Variants in AUTS2 observed in about 807,000 individuals in gnomAD.
The protein encoded by AUTS2 is activator of transcription and developmental regulator AUTS2.
AUTS2 carries 17 observed loss-of-function variants against 112.4 expected under a neutral mutation model. The ratio of observed to expected loss-of-function variants is 0.15; its 90% CI spans 0.10 to 0.23. The LOEUF is 0.23. Among genes scored for constraint, AUTS2 ranks in the 10% least tolerant of loss-of-function variants. The probability of loss-of-function intolerance (pLI) is 1.00; values close to 1 mark genes in which losing one functional copy is unlikely to be tolerated. For missense variants in AUTS2, 1,510 were observed against 1,701.6 expected (o/e 0.89, Z 1.98); for synonymous variants, 751 against 702.7 (o/e 1.07, Z -1.09).
intron 18 of AUTS2, among the ~76,000 whole-genome samples, chr7:70,787,825 C>T (rs192001254): frequency 4.6e-5 from 7 of 152,320 alleles, no homozygotes; most frequent in East Asian, 3.9e-4. Context: ...AGGTTTTTCT[C>T]GCTCTTTTCC....
chr7:69,788,501 T>C (rs1423453705), intron 1 of AUTS2, among the ~76,000 whole-genome samples: 1 of 152,212 alleles, frequency 6.6e-6, no homozygotes, highest in Non-Finnish European at 1.5e-5. Flanking sequence ...AGAAACTTTA[T>C]GCACAAAAGC....
chr7:69,603,066 A>G (rs905173693), intron 1 of AUTS2, among the ~76,000 whole-genome samples: 5 of 152,210 alleles, frequency 3.3e-5, no homozygotes, highest in African/African-American at 1.2e-4. Flanking sequence ...ATAGATGCTA[A>G]GAGTTATCCT....
At chr7:69,710,344 G>A (rs1409105708) in intron 1 of AUTS2, among the ~76,000 whole-genome samples, 2 of 152,126 alleles carry the variant, frequency 1.3e-5, no homozygotes, top group Non-Finnish European at 2.9e-5. Context: ...TTATAATTAA[G>A]CCTGTTACTA....
intron 2 of AUTS2, among the ~76,000 whole-genome samples, chr7:70,001,314 T>C (rs1009642786): frequency 6.6e-6 from 1 of 152,048 alleles, no homozygotes; most frequent in Non-Finnish European, 1.5e-5. Context: ...TTAGTAGAGA[T>C]GGGGAATCAT....
intron 5 of AUTS2, among the ~76,000 whole-genome samples, chr7:70,442,671 A>G (rs1796166877): frequency 6.6e-6 from 1 of 152,086 alleles, no homozygotes; most frequent in Non-Finnish European, 1.5e-5. Context: ...TATTTTTAGT[A>G]GAGACAGGGT....
At chr7:70,507,458 A>G (rs1051495664) in intron 5 of AUTS2, among the ~76,000 whole-genome samples, 9 of 152,200 alleles carry the variant, frequency 5.9e-5, no homozygotes, top group Admixed American at 3.3e-4. Context: ...TTGTTTTAAC[A>G]TGACAACAGC....
In AUTS2 at chr7:70,771,629, A is replaced by C. The variant is rs1158333839; in HGVS notation, c.1815A>C (p.Gly605=). The C allele has an allele frequency of 1.2e-6, 2 of 1,613,822 alleles. No individual in the cohort carries two copies. The highest frequency in any genetic ancestry group is 1.7e-5 in the Admixed American group (1 of 60,026). The change falls in exon 11 of 19, where the codon GGA becomes GGC. Residue 605 remains glycine, a synonymous_variant. Transcript: ENST00000342771. ...CTGGCCCTTTTGGTTCACTACAAGG[A>C]GCATTTCAGCCGAAGGTAAGAAACC... ...PPTGPFGSLQ[G]AFQPKTSNPI...
At chr7:69,804,531 A>G (rs1289691915) in intron 1 of AUTS2, among the ~76,000 whole-genome samples, 2 of 152,210 alleles carry the variant, frequency 1.3e-5, no homozygotes, top group Admixed American at 1.3e-4. Context: ...AAGAGCTGCC[A>G]TGATAGTTAA....
At chr7:70,041,041 A>G (rs2129557786) in intron 2 of AUTS2, among the ~76,000 whole-genome samples, 1 of 152,324 alleles carries the variant, frequency 6.6e-6, no homozygotes, top group African/African-American at 2.4e-5. Context: ...GTGACCAATG[A>G]GAAAATAGGG....
At chr7:70,420,520 A>G (rs1395103865) in intron 4 of AUTS2, among the ~76,000 whole-genome samples, 1 of 152,206 alleles carries the variant, frequency 6.6e-6, no homozygotes, top group Non-Finnish European at 1.5e-5. Context: ...GAAGTACATA[A>G]TAAAGCCTAA....
chr7:69,961,834 G>A (rs1159749815), intron 2 of AUTS2, among the ~76,000 whole-genome samples: 1 of 152,070 alleles, frequency 6.6e-6, no homozygotes, highest in African/African-American at 2.4e-5. Flanking sequence ...TCTTAAGCAG[G>A]TGAACCTTTT....
chr7:70,622,408 G>A (rs1481966090), intron 5 of AUTS2, among the ~76,000 whole-genome samples: 5 of 152,104 alleles, frequency 3.3e-5, no homozygotes, highest in Non-Finnish European at 5.9e-5. Flanking sequence ...CATTCTTGCT[G>A]AGCAGAACAC....
chr7:70,114,470 T>C (rs1805252108), intron 2 of AUTS2, among the ~76,000 whole-genome samples: 1 of 152,186 alleles, frequency 6.6e-6, no homozygotes, highest in Non-Finnish European at 1.5e-5. Flanking sequence ...CCCCAAACGA[T>C]CCATTGGATG....
chr7:69,850,534 T>G (rs1173070149), intron 1 of AUTS2, among the ~76,000 whole-genome samples: 1 of 152,064 alleles, frequency 6.6e-6, no homozygotes, highest in Admixed American at 6.6e-5. Flanking sequence ...TTGCTGTTTT[T>G]TAATATGGCT....
At chr7:69,636,480 G>GGCCCCCCCCCC (rs1562776075) in intron 1 of AUTS2, among the ~76,000 whole-genome samples, 1 of 16,102 alleles carries the variant, frequency 6.2e-5, no homozygotes, top group Non-Finnish European at 1.1e-4. Flanking sequence ...AGTGATCCGC[G>GGCCCCCCCCCC]CCCCCCCCCC....
At chr7:69,869,206 G>A (rs568095477) in intron 1 of AUTS2, among the ~76,000 whole-genome samples, 2 of 152,146 alleles carry the variant, frequency 1.3e-5, no homozygotes, top group East Asian at 3.9e-4. Flanking sequence ...GCTGGCAAGA[G>A]AGTCAATTCT....
intron 5 of AUTS2, among the ~76,000 whole-genome samples, chr7:70,501,150 G>T (rs2116629433): frequency 6.6e-6 from 1 of 152,258 alleles, no homozygotes; most frequent in South Asian, 2.1e-4. Context: ...GTGTATTTTA[G>T]AAATACATTA....
At chr7:70,420,145 T>G (rs1795156701) in intron 4 of AUTS2, among the ~76,000 whole-genome samples, 1 of 152,260 alleles carries the variant, frequency 6.6e-6, no homozygotes, top group African/African-American at 2.4e-5. Context: ...CCTTTGTATT[T>G]GTTCTGTTAA....
rs553920984 is a variant in AUTS2, at chr7:70,428,248, A to T, written c.661-7504A>T. ...AAACCAATATGAGAGCAATGTAAACAGTGTGAAATTAGGGCTTTGTGGATT... is the reference window on the plus strand; with the variant it reads ...AAACCAATATGAGAGCAATGTAAACTGTGTGAAATTAGGGCTTTGTGGATT... On this transcript the variant is annotated intron_variant, in intron 4 of 18. Transcript: ENST00000342771. 2.6e-5 allele frequency among the ~76,000 whole-genome samples: 4 copies of T among 152,312 alleles called. No homozygotes were observed. The South Asian group carries it at 6.2e-4, about 24-fold the overall frequency.
Sources: gnomAD v4.1 joint callset for allele counts (sites outside exome capture counted in the v4.1 genomes callset) on GRCh38, gnomAD v4.1.1 for gene constraint, MANE v1.5 for transcripts, NCBI Gene and HGNC (gene_info 2026-07-23, HGNC 2026-07-21) for gene names.